Variants in TMIGD2 observed in about 807,000 individuals in gnomAD.
TMIGD2 encodes transmembrane and immunoglobulin domain-containing protein 2.
TMIGD2 carries 18 observed loss-of-function variants against 22.6 expected under a neutral mutation model. The observed-to-expected ratio is 0.80, with a 90% confidence interval of 0.55 to 1.18. The LOEUF is 1.18. Ranked by LOEUF, TMIGD2 falls within the 50% of genes most tolerant of loss-of-function variation. The pLI is 0.00. For synonymous variants in TMIGD2, 184 were observed against 154.1 expected, an observed-to-expected ratio of 1.19 and a Z score of -1.44; for missense variants, 361 against 378.2, an observed-to-expected ratio of 0.95 and a Z score of 0.38.
intron 4 of TMIGD2, among the ~76,000 whole-genome samples, chr19:4,293,260 C>CG (rs1555728420): frequency 9.8e-5 from 11 of 112,426 alleles, no homozygotes; most frequent in African/African-American, 3.9e-4. Flanking sequence ...CGCGCCCGGC[C>CG]TTTTTTTTTT....
chr19:4,298,091 G>A, exon 2 of TMIGD2: 1 of 1,613,678 alleles, frequency 6.2e-7, no homozygotes, highest in South Asian at 1.1e-5. Context: ...AGGCTCACAG[G>A]GTCCAGCTGC....
chr19:4,301,414 A>T (rs1471015147), intron 1 of TMIGD2, among the ~76,000 whole-genome samples: 1 of 152,190 alleles, frequency 6.6e-6, no homozygotes, highest in Non-Finnish European at 1.5e-5. Flanking sequence ...CACGCCTGTA[A>T]TCCCAGCACT....
At chr19:4,292,753 CGGG>C in exon 5 of TMIGD2, 2 of 1,608,822 alleles carry the variant, frequency 1.2e-6, no homozygotes, top group Non-Finnish European at 1.7e-6. Flanking sequence ...GTGCGGCTGG[CGGG>C]GGGCCGGTTG....
exon 3 of TMIGD2, chr19:4,294,775 C>T (rs778551915): frequency 3.8e-6 from 6 of 1,586,938 alleles, no homozygotes; most frequent in Non-Finnish European, 4.3e-6. Flanking sequence ...CAGGGCTCAC[C>T]TGGGAAGCTT....
At chr19:4,298,420 A>G in intron 1 of TMIGD2, 75 bp from the exon 2 acceptor site, 1 of 1,477,556 alleles carries the variant, frequency 6.8e-7, no homozygotes, top group Middle Eastern at 2.5e-4. Flanking sequence ...TCCCCTAGTG[A>G]GCCCGCAGTC....
At chr19:4,298,076 G>T (rs758608618) in exon 2 of TMIGD2, 5 of 1,613,606 alleles carry the variant, frequency 3.1e-6, no homozygotes, top group Non-Finnish European at 4.2e-6. Flanking sequence ...GCCCCGCTGT[G>T]GTTGAGGCTC....
chr19:4,298,255 A>C (rs1568374454), exon 2 of TMIGD2: 3 of 1,612,372 alleles, frequency 1.9e-6, no homozygotes, highest in South Asian at 2.2e-5. Context: ...GGCCTGGTCC[A>C]CCTGGCAGAC....
At chr19:4,296,963 A>T (rs184562642) in intron 2 of TMIGD2, among the ~76,000 whole-genome samples, 147 of 151,772 alleles carry the variant, frequency 9.7e-4, no homozygotes, top group Middle Eastern at 6.8e-3. Context: ...ATAACGCTAG[A>T]TATGTCTTGG....
chr19:4,302,247 A>G lies in TMIGD2; in HGVS notation c.46+93T>C, dbSNP rs145930051. On this transcript the variant is annotated intron_variant, in intron 1 of 4. Coordinates refer to ENST00000301272, the Ensembl canonical transcript of TMIGD2. Reference sequence around the variant, plus strand: ...ATGGGCCTTATCTGACAGTAGAGAGACTGAAGTTTAGAGGGGCCCTGAGCT... The same window carrying G: ...ATGGGCCTTATCTGACAGTAGAGAGGCTGAAGTTTAGAGGGGCCCTGAGCT... 2.3e-5 allele frequency: 31 copies of G among 1,344,406 alleles called. No homozygotes were observed. The East Asian group carries it at 8.0e-4, about 35-fold the overall frequency. The allele number at this position is 1,344,406 out of a possible 1,614,324, so 83.3% of individuals were successfully genotyped here.
intron 4 of TMIGD2, among the ~76,000 whole-genome samples, chr19:4,293,994 T>G (rs1164175865): frequency 1.3e-5 from 2 of 151,882 alleles, no homozygotes; most frequent in Admixed American, 1.3e-4. Flanking sequence ...ACTCCTGACC[T>G]CAAGTGATCC....
intron 1 of TMIGD2, among the ~76,000 whole-genome samples, chr19:4,298,722 C>G (rs1971496984): frequency 6.6e-6 from 1 of 151,968 alleles, no homozygotes; most frequent in Non-Finnish European, 1.5e-5. Context: ...GGTGACAAAG[C>G]AACACCCTGT....
chr19:4,292,962 CTCTTT>C, intron 4 of TMIGD2, 77 bp from the exon 5 acceptor site: 1 of 1,530,980 alleles, frequency 6.5e-7, no homozygotes. Context: ...GGGGATCTGT[CTCTTT>C]TTTTTTTTTT....
intron 4 of TMIGD2, among the ~76,000 whole-genome samples, chr19:4,294,126 G>A (rs1230637048): frequency 6.7e-6 from 1 of 149,042 alleles, no homozygotes; most frequent in African/African-American, 2.5e-5. Context: ...AGAGTTCAGT[G>A]GCGCGATCTT....
intron 1 of TMIGD2, among the ~76,000 whole-genome samples, chr19:4,299,291 T>G (rs1971504026): frequency 6.6e-6 from 1 of 151,604 alleles, no homozygotes; most frequent in African/African-American, 2.4e-5. Context: ...ACTACAGGCA[T>G]GTAACCACTA....
At chr19:4,296,452 C>G (rs1215586546) in intron 2 of TMIGD2, among the ~76,000 whole-genome samples, 3 of 152,182 alleles carry the variant, frequency 2.0e-5, no homozygotes, top group Non-Finnish European at 4.4e-5. Flanking sequence ...CCCCAACCCC[C>G]TTCTTTTGCA....
intron 1 of TMIGD2, 51 bp from the exon 2 acceptor site, chr19:4,298,396 G>A: frequency 6.6e-7 from 1 of 1,504,092 alleles, no homozygotes; most frequent in South Asian, 1.3e-5. Flanking sequence ...CGCATGTGAG[G>A]CTGTGTGACT....
Position 4,302,328 on chromosome 19 carries a change from C to G in TMIGD2, c.46+12G>C, listed in dbSNP as rs754594487. The stretch of plus-strand genomic sequence containing the variant: ...AGTGGGGTTCAGAGGGGAGGGAGGC[C>G]CAGATACTCACCCCAGATCTGCACC... On this transcript the variant is annotated intron_variant, in intron 1 of 4. Transcript: ENST00000301272. 1.1e-5 allele frequency: 17 copies of G among 1,569,312 alleles called. No individual in the cohort carries two copies. The highest frequency in any genetic ancestry group is 2.6e-6 in the Non-Finnish European group (3 of 1,156,370).
intron 2 of TMIGD2, among the ~76,000 whole-genome samples, chr19:4,295,356 C>T (rs1212593023): frequency 4.6e-5 from 7 of 150,802 alleles, no homozygotes; most frequent in Non-Finnish European, 1.0e-4. Flanking sequence ...GTCAGGCGAT[C>T]GAGACCATCC....
exon 1 of TMIGD2, chr19:4,302,361 C>T: frequency 6.4e-7 from 1 of 1,573,932 alleles, no homozygotes; most frequent in South Asian, 1.2e-5. Flanking sequence ...ACCAGGAGGC[C>T]CAGCACCATG....
Sources: gnomAD v4.1 joint callset for allele counts (sites outside exome capture counted in the v4.1 genomes callset) on GRCh38, gnomAD v4.1.1 for gene constraint, MANE v1.5 for transcripts, NCBI Gene and HGNC (gene_info 2026-07-23, HGNC 2026-07-21) for gene names.